The following MSRA variants were observed in gnomAD, a reference collection of about 807,000 sequenced individuals.
MSRA encodes the protein mitochondrial peptide methionine sulfoxide reductase.
MSRA carries 54 observed loss-of-function variants against 31.3 expected under a neutral mutation model. The ratio of observed to expected loss-of-function variants is 1.73; its 90% CI spans 1.39 to 2.17. MSRA has a LOEUF of 2.17. Ranked by LOEUF, MSRA falls within the 30% of genes most tolerant of loss-of-function variation. The probability of loss-of-function intolerance (pLI) is 0.00; values close to 1 mark genes in which losing one functional copy is unlikely to be tolerated. For missense variants in MSRA, 507 were observed against 300.9 expected (o/e 1.69, Z -5.07); for synonymous variants, 169 against 116.5 (o/e 1.45, Z -2.90).
intron 1 of MSRA, among the ~76,000 whole-genome samples, chr8:10,123,715 G>A (rs567551897): frequency 4.6e-5 from 7 of 152,174 alleles, no homozygotes; most frequent in Admixed American, 3.3e-4. Context: ...TTCTGCATGT[G>A]GTTAGCCAGT....
In MSRA at chr8:10,254,551, A is replaced by C. The variant is rs367866778; in HGVS notation, c.331+9328A>C. Reference sequence around the variant, plus strand: ...ATGACCACTTTGTAATCCACAACTCATTCTACCTACTAATCTCTGTCACAG... The same window carrying C: ...ATGACCACTTTGTAATCCACAACTCCTTCTACCTACTAATCTCTGTCACAG... On this transcript the variant is annotated intron_variant, in intron 3 of 5. Coordinates refer to ENST00000317173, the MANE Select transcript of MSRA (RefSeq NM_012331.5). Among the ~76,000 whole-genome samples, 7 of 152,324 alleles carry C rather than the reference A, an allele frequency of 4.6e-5. No individual in the cohort carries two copies. In the South Asian group the frequency reaches 6.2e-4, roughly 14 times the overall value.
At chr8:10,263,151 G>C (rs568655279) in intron 3 of MSRA, among the ~76,000 whole-genome samples, 6 of 152,314 alleles carry the variant, frequency 3.9e-5, no homozygotes, top group African/African-American at 1.4e-4. Context: ...TATAAAACCA[G>C]CATTAGGTTG....
At chr8:10,321,666 G>A (rs995971171) in intron 5 of MSRA, among the ~76,000 whole-genome samples, 13 of 152,162 alleles carry the variant, frequency 8.5e-5, no homozygotes, top group Admixed American at 2.0e-4. Context: ...ATTGTGGCTC[G>A]TATTGTGAAA....
chr8:10,219,805 C>CAAAAAAAAA (rs202000887), intron 2 of MSRA, among the ~76,000 whole-genome samples: 1,307 of 45,868 alleles, frequency 0.028, 150 homozygotes, highest in East Asian at 0.16. Flanking sequence ...GACTCTGTCT[C>CAAAAAAAAA]CAAAAAAAAA....
At chr8:10,105,859 T>A (rs1186318061) in intron 1 of MSRA, among the ~76,000 whole-genome samples, 1 of 151,994 alleles carries the variant, frequency 6.6e-6, no homozygotes, top group African/African-American at 2.4e-5. Context: ...CACCTAATCT[T>A]CCAAATCACT....
At chr8:10,059,244 TATG>T (rs1802566973) in intron 1 of MSRA, 1 of 152,230 alleles carries the variant, frequency 6.6e-6, no homozygotes, top group African/African-American at 2.4e-5. Flanking sequence ...ATTCCAGATA[TATG>T]ATGATAATAG....
intron 1 of MSRA, among the ~76,000 whole-genome samples, chr8:10,150,893 C>T (rs1803605364): frequency 1.3e-5 from 2 of 152,076 alleles, no homozygotes; most frequent in Admixed American, 6.6e-5. Context: ...AGACAGGGAT[C>T]TCTCATTTTA....
intron 3 of MSRA, among the ~76,000 whole-genome samples, chr8:10,282,056 A>G (rs998468910): frequency 6.6e-6 from 1 of 152,220 alleles, no homozygotes; most frequent in African/African-American, 2.4e-5. Context: ...CCCCCCACGT[A>G]CAATAGTGTG....
chr8:10,088,769 A>G (rs376517598), intron 1 of MSRA, among the ~76,000 whole-genome samples: 9 of 152,144 alleles, frequency 5.9e-5, no homozygotes, highest in Admixed American at 5.2e-4. Flanking sequence ...AGGAATAAGG[A>G]CCATGTGATA....
intron 2 of MSRA, among the ~76,000 whole-genome samples, chr8:10,209,493 A>C (rs1261804841): frequency 2.0e-5 from 3 of 152,222 alleles, no homozygotes; most frequent in African/African-American, 7.2e-5. Flanking sequence ...AATAACAGGG[A>C]ATGAGGCTCT....
At chr8:10,110,344 G>C (rs1172747999) in intron 1 of MSRA, among the ~76,000 whole-genome samples, 3 of 152,148 alleles carry the variant, frequency 2.0e-5, no homozygotes, top group Non-Finnish European at 2.9e-5. Context: ...GGATTATCCA[G>C]ATTTGTGGCT....
intron 4 of MSRA, among the ~76,000 whole-genome samples, chr8:10,317,892 T>G (rs536983642): frequency 1.2e-3 from 178 of 152,272 alleles, no homozygotes; most frequent in African/African-American, 4.0e-3. Context: ...GTCTGATCTT[T>G]CCACGCATCT....
intron 1 of MSRA, among the ~76,000 whole-genome samples, chr8:10,177,977 C>T (rs753873518): frequency 8.5e-5 from 13 of 152,186 alleles, no homozygotes; most frequent in African/African-American, 2.4e-4. Flanking sequence ...GGTCAAGAAC[C>T]TGTTCATCTC....
At chr8:10,114,388 T>C (rs1217997148) in intron 1 of MSRA, among the ~76,000 whole-genome samples, 2 of 152,210 alleles carry the variant, frequency 1.3e-5, no homozygotes, top group Non-Finnish European at 2.9e-5. Context: ...GCAACCTATG[T>C]TTAACTTTTT....
intron 1 of MSRA, among the ~76,000 whole-genome samples, chr8:10,055,274 G>C (rs1802284557): frequency 6.6e-6 from 1 of 152,174 alleles, no homozygotes; most frequent in Non-Finnish European, 1.5e-5. Flanking sequence ...CCACAAACTT[G>C]GACAACTTTC....
intron 1 of MSRA, among the ~76,000 whole-genome samples, chr8:10,079,726 C>G (rs1367603299): frequency 3.9e-5 from 6 of 152,096 alleles, no homozygotes; most frequent in Admixed American, 2.0e-4. Flanking sequence ...CCAGTCATGC[C>G]CATAAGCCAC....
At chr8:10,321,940 T>C (rs1210157043) in intron 5 of MSRA, among the ~76,000 whole-genome samples, 4 of 152,226 alleles carry the variant, frequency 2.6e-5, no homozygotes, top group African/African-American at 9.6e-5. Flanking sequence ...TGTATATACT[T>C]TGAAGCTGCT....
intron 5 of MSRA, among the ~76,000 whole-genome samples, chr8:10,405,794 C>G (rs1373228565): frequency 6.6e-6 from 1 of 151,728 alleles, no homozygotes; most frequent in Non-Finnish European, 1.5e-5. Context: ...CATGTAATCA[C>G]ATACACACAT....
chr8:10,221,893 C>A (rs190168439), intron 2 of MSRA, among the ~76,000 whole-genome samples: 577 of 152,154 alleles, frequency 3.8e-3, no homozygotes, highest in Non-Finnish European at 7.1e-3. Context: ...GGCCCTGAGG[C>A]AGGAGTGGCG....
Sources: allele counts gnomAD v4.1 joint callset (sites outside exome capture counted in the v4.1 genomes callset), GRCh38; gene constraint gnomAD v4.1.1; transcripts MANE v1.5; gene names NCBI Gene and HGNC (gene_info 2026-07-23, HGNC 2026-07-21).